NUFIP2: variants seen among roughly 807,000 people sequenced by gnomAD.
NUFIP2 encodes nuclear FMR1 interacting protein 2, also known as FMR1-interacting protein NUFIP2.
A neutral mutation model predicts 56.9 loss-of-function variants in NUFIP2; 6 were observed. That is an observed-to-expected ratio of 0.11 (90% CI 0.06 to 0.21). The LOEUF (loss-of-function observed/expected upper bound fraction) is 0.21, where lower values mean the gene tolerates loss of function less well. Ranked by LOEUF, NUFIP2 falls within the 10% of genes least tolerant of loss-of-function variation. NUFIP2 has a pLI of 1.00. For synonymous variants in NUFIP2, 321 were observed against 298.2 expected (o/e 1.08, Z -0.79); for missense variants, 828 against 826.8 (o/e 1.00, Z -0.02).
rs746998261 is a variant in NUFIP2 at position 29,264,688 on chromosome 17, A to C, written c.2036-97T>G. 3.0e-4 allele frequency: 221 copies of C among 724,632 alleles called. 1 individual carries two copies. The highest frequency in any genetic ancestry group is 4.5e-4 in the Non-Finnish European group (191 of 425,168). The allele number at this position is 724,632 out of a possible 1,614,324, so 44.9% of individuals were successfully genotyped here. On this transcript the variant is annotated intron_variant, in intron 3 of 3. Coordinates refer to ENST00000225388, the MANE Select transcript of NUFIP2 (RefSeq NM_020772.3). ...CAAATAACCATCATTTAAACTGACC[A>C]ATTTTTTTATGAAAACAAAACTTCA... is the stretch of plus-strand genomic sequence containing the variant.
At chr17:29,265,269 G>A (rs1022068565) in intron 3 of NUFIP2, among the ~76,000 whole-genome samples, 7 of 151,014 alleles carry the variant, frequency 4.6e-5, no homozygotes, top group Non-Finnish European at 1.0e-4. Flanking sequence ...CTTCTGGAGG[G>A]GAACTGTTTT....
intron 2 of NUFIP2, among the ~76,000 whole-genome samples, chr17:29,280,303 A>G (rs1453182597): frequency 6.6e-6 from 1 of 152,218 alleles, no homozygotes; most frequent in Non-Finnish European, 1.5e-5. Flanking sequence ...TTCAAAATCA[A>G]AAGTTTACTT....
intron 2 of NUFIP2, among the ~76,000 whole-genome samples, chr17:29,275,359 A>G (rs2069101354): frequency 6.6e-6 from 1 of 152,194 alleles, no homozygotes; most frequent in African/African-American, 2.4e-5. Context: ...ATAAAGTAAC[A>G]GAACTGGACA....
At chr17:29,288,200 C>A (rs548536732) in intron 1 of NUFIP2, among the ~76,000 whole-genome samples, 8 of 152,340 alleles carry the variant, frequency 5.3e-5, no homozygotes, top group African/African-American at 1.9e-4. Context: ...CCCACCACCA[C>A]GCTCGGCTAA....
chr17:29,284,750 T>C (rs1036051569), intron 2 of NUFIP2, among the ~76,000 whole-genome samples: 3 of 149,430 alleles, frequency 2.0e-5, no homozygotes, highest in Non-Finnish European at 3.0e-5. Flanking sequence ...AAGAAAGTTA[T>C]TAGCGTGAAA....
chr17:29,272,388 A>G (rs952012616), intron 2 of NUFIP2, among the ~76,000 whole-genome samples: 1 of 151,794 alleles, frequency 6.6e-6, no homozygotes, highest in African/African-American at 2.4e-5. Context: ...CTACAGGCGC[A>G]TGCCACCAAG....
chr17:29,293,748 C>CCAACCCCA, intron 1 of NUFIP2, 35 bp downstream of exon 1: 2 of 1,393,212 alleles, frequency 1.4e-6, no homozygotes, highest in Non-Finnish European at 2.0e-6. Flanking sequence ...CCTCCACCCC[C>CCAACCCCA]AACCCCCTTC....
chr17:29,281,617 A>T (rs1567679703), intron 2 of NUFIP2, among the ~76,000 whole-genome samples: 1 of 151,048 alleles, frequency 6.6e-6, no homozygotes, highest in East Asian at 2.0e-4. Context: ...GCTTCAGCCC[A>T]GTTCCAGGCT....
chr17:29,273,986 A>G (rs2069092285), intron 2 of NUFIP2, among the ~76,000 whole-genome samples: 1 of 152,068 alleles, frequency 6.6e-6, no homozygotes, highest in Non-Finnish European at 1.5e-5. Flanking sequence ...AAAAAAAAAT[A>G]CTACTCACCA....
At chr17:29,288,750 T>C (rs2069193205) in intron 1 of NUFIP2, among the ~76,000 whole-genome samples, 1 of 152,238 alleles carries the variant, frequency 6.6e-6, no homozygotes, top group African/African-American at 2.4e-5. Flanking sequence ...CATGGTTTCC[T>C]ATCACTATGT....
In NUFIP2 at chr17:29,286,595, T is replaced by C. The variant is rs2069175991; in HGVS notation, c.1399A>G (p.Ile467Val). The change falls in exon 2 of 4, where the codon ATT becomes GTT. Residue 467 changes from isoleucine to valine, a missense_variant. Coordinates refer to ENST00000225388, the MANE Select transcript of NUFIP2 (RefSeq NM_020772.3). The stretch of plus-strand genomic sequence containing the variant: ...GGATAGATAAAAAGGCTAGTCTTAA[T>C]TTGTTCAACAGCTGCTGAAGTTAGA... ...MSLTSAAVEQ[I>V]KTSLFIYPSN... The C allele has an allele frequency of 1.2e-6, 2 of 1,614,202 alleles. No individual in the cohort carries two copies. Among genetic ancestry groups the C allele is most frequent in the Non-Finnish European group, 1.7e-6 (2 of 1,180,038 alleles).
In NUFIP2 at chr17:29,267,483, T is replaced by G. The variant is rs1377561239; in HGVS notation, c.2035+15A>C. On this transcript the variant is annotated intron_variant, in intron 3 of 3. Transcript: ENST00000225388. ...TACTTATTAGTGACATTTTAAGTAATCTAATCATTCTTACCTTGCTTCTGC... is the reference window on the plus strand; with the variant it reads ...TACTTATTAGTGACATTTTAAGTAAGCTAATCATTCTTACCTTGCTTCTGC... The G allele has an allele frequency of 6.9e-7, 1 of 1,441,182 alleles. No homozygotes were observed. The highest frequency in any genetic ancestry group is 9.6e-7 in the Non-Finnish European group (1 of 1,038,338). 89.3% of individuals were successfully genotyped at this position (1,441,182 alleles called of 1,614,324 possible). A position where few individuals can be genotyped will look rare whatever the true frequency, so the allele number is the denominator to read the frequency against.
At chr17:29,272,859 T>C (rs567126552) in intron 2 of NUFIP2, among the ~76,000 whole-genome samples, 53 of 151,904 alleles carry the variant, frequency 3.5e-4, no homozygotes, top group African/African-American at 1.3e-3. Context: ...TTTTCTTTTC[T>C]TTTCTTTTTT....
At chr17:29,272,261 A>G (rs1457335175) in intron 2 of NUFIP2, among the ~76,000 whole-genome samples, 3 of 143,268 alleles carry the variant, frequency 2.1e-5, no homozygotes, top group African/African-American at 7.7e-5. Flanking sequence ...TTTTTTTGAG[A>G]CAAGAGTCTT....
At chr17:29,271,584 T>C (rs139634821) in intron 2 of NUFIP2, among the ~76,000 whole-genome samples, 4 of 151,634 alleles carry the variant, frequency 2.6e-5, no homozygotes, top group Non-Finnish European at 5.9e-5. Context: ...TTATCAGAAA[T>C]GCTGAACTAA....
At chr17:29,269,586 G>A (rs1191164162) in intron 2 of NUFIP2, among the ~76,000 whole-genome samples, 1 of 151,068 alleles carries the variant, frequency 6.6e-6, no homozygotes, top group Non-Finnish European at 1.5e-5. Context: ...ATGGCTCACT[G>A]CAGCCTCAAT....
intron 2 of NUFIP2, among the ~76,000 whole-genome samples, chr17:29,284,037 G>C (rs1470811894): frequency 1.3e-5 from 2 of 152,218 alleles, no homozygotes; most frequent in African/African-American, 4.8e-5. Context: ...AATTTGCTTA[G>C]AAGTCACAAA....
rs146416904 is a variant in NUFIP2, at chr17:29,288,114, G to A, written c.278-398C>T. ...GCTGGAGTGCAGTGGCGCTATCTCC[G>A]CTCACTGTAAGCTCCACCTCCCGGG... is the stretch of plus-strand genomic sequence containing the variant. On this transcript the variant is annotated intron_variant, in intron 1 of 3. Coordinates refer to ENST00000225388, the MANE Select transcript of NUFIP2 (RefSeq NM_020772.3). Among the ~76,000 whole-genome samples the A allele has an allele frequency of 1.8e-3, 278 of 152,294 alleles. 4 individuals carry two copies. The highest frequency in any genetic ancestry group is 6.4e-3 in the African/African-American group (266 of 41,552).
In NUFIP2 at chr17:29,267,534, C is replaced by A. The variant is rs1399461924; in HGVS notation, c.2003-4G>T. On this transcript the variant is annotated splice_region_variant and splice_polypyrimidine_tract_variant and intron_variant, in intron 2 of 3. Coordinates refer to ENST00000225388, the MANE Select transcript of NUFIP2 (RefSeq NM_020772.3). ...AAATTCCAAATAGATTCCATTTCTG[C>A]AAAGAAAAAAAGAGAATTACATACT... 2 of 1,521,302 alleles carry A rather than the reference C, an allele frequency of 1.3e-6. No individual in the cohort carries two copies. Among genetic ancestry groups the A allele is most frequent in the Admixed American group, 3.7e-5 (2 of 54,136 alleles). 94.2% of individuals were successfully genotyped at this position (1,521,302 alleles called of 1,614,324 possible).
Sources: gnomAD v4.1 joint callset for allele counts (sites outside exome capture counted in the v4.1 genomes callset) on GRCh38, gnomAD v4.1.1 for gene constraint, MANE v1.5 for transcripts, NCBI Gene and HGNC (gene_info 2026-07-23, HGNC 2026-07-21) for gene names.